Variants in TLN2 observed in about 807,000 individuals in gnomAD.
The protein encoded by TLN2 is talin-2.
In TLN2, 118 loss-of-function variants were observed where a neutral mutation model predicts 294.7. The observed-to-expected ratio is 0.40, with a 90% CI of 0.34 to 0.47. TLN2 has a LOEUF of 0.47. Among genes scored for constraint, TLN2 ranks in the 20% least tolerant of loss-of-function variants. The pLI, the probability that TLN2 is intolerant of heterozygous loss-of-function variation, is 0.84. For missense variants in TLN2, 3,083 were observed against 3,282.2 expected, an observed-to-expected ratio of 0.94 and a Z score of 1.48; for synonymous variants, 1,431 against 1,304.5, an observed-to-expected ratio of 1.10 and a Z score of -2.09.
intron 30 of TLN2, among the ~76,000 whole-genome samples, chr15:62,738,867 A>G (rs570982715): frequency 6.6e-6 from 1 of 152,366 alleles, no homozygotes; most frequent in South Asian, 2.1e-4. Flanking sequence ...TCAGTCTGCT[A>G]GATGACATTT....
intron 12 of TLN2, among the ~76,000 whole-genome samples, chr15:62,691,042 GA>G (rs2057853084): frequency 4.5e-5 from 6 of 133,642 alleles, no homozygotes; most frequent in Admixed American, 4.5e-4. Flanking sequence ...GAGGGAGAGG[GA>G]GAGGGGGAGG....
chr15:62,679,942 C>G lies in TLN2; in HGVS notation c.957+4621C>G, dbSNP rs113805924. Among the ~76,000 whole-genome samples the G allele has an allele frequency of 3.5e-3, 539 of 152,298 alleles. 2 individuals carry two copies. The highest frequency in any genetic ancestry group is 0.012 in the African/African-American group (518 of 41,552). ...CCATTTGTTGAAAGTGCTATTCTTCCTCCATCGAGTTACTTTTGCATCATT... is the reference window on the plus strand; with the variant it reads ...CCATTTGTTGAAAGTGCTATTCTTCGTCCATCGAGTTACTTTTGCATCATT... On this transcript the variant is annotated intron_variant, in intron 11 of 58. Coordinates refer to ENST00000636159, the MANE Select transcript of TLN2 (RefSeq NM_015059.3).
At chr15:62,830,925 T>C (rs1567700012) in intron 54 of TLN2, 1 of 152,038 alleles carries the variant, frequency 6.6e-6, no homozygotes, top group Non-Finnish European at 1.5e-5. Context: ...ATAGAGATGT[T>C]GTGGGAAGAA....
chr15:62,697,260 A>G (rs2058407641), intron 14 of TLN2, among the ~76,000 whole-genome samples: 2 of 151,890 alleles, frequency 1.3e-5, no homozygotes, highest in African/African-American at 4.8e-5. Context: ...GGCATGTACC[A>G]CCACTCGGGA....
intron 1 of TLN2, among the ~76,000 whole-genome samples, chr15:62,576,660 T>TC (rs1274045367): frequency 9.5e-5 from 10 of 105,350 alleles, no homozygotes; most frequent in Admixed American, 1.1e-4. Flanking sequence ...ATGGAATGAT[T>TC]CCCCCCCCCG....
In TLN2 at chr15:62,842,629, CA is replaced by C. The variant is rs1437239163; in HGVS notation, c.*2020del. Reference sequence around the variant, plus strand: ...CCATCCTGAAAACCCAGGACCAAGGCAGGGGCAGGCAGCCAGTTCTTCCACC... The same window carrying C: ...CCATCCTGAAAACCCAGGACCAAGGCGGGGCAGGCAGCCAGTTCTTCCACC... On this transcript the variant is annotated 3_prime_UTR_variant, in exon 59 of 59. Coordinates refer to ENST00000636159, the MANE Select transcript of TLN2 (RefSeq NM_015059.3). 6.6e-6 allele frequency: 1 copy of C among 151,832 alleles called. No homozygotes were observed. Among genetic ancestry groups the C allele is most frequent in the African/African-American group, 2.4e-5 (1 of 41,262 alleles). The allele number at this position is 151,832 out of a possible 1,614,324, so 9.4% of individuals were successfully genotyped here. A position where few individuals can be genotyped will look rare whatever the true frequency, so the allele number is the denominator to read the frequency against.
intron 1 of TLN2, among the ~76,000 whole-genome samples, chr15:62,587,397 A>G (rs2045696821): frequency 6.6e-6 from 1 of 152,260 alleles, no homozygotes; most frequent in African/African-American, 2.4e-5. Flanking sequence ...AATCATAACT[A>G]TTTTGATAAA....
At chr15:62,445,354 A>G (rs1412567811) in intron 1 of TLN2, among the ~76,000 whole-genome samples, 1 of 152,192 alleles carries the variant, frequency 6.6e-6, no homozygotes, top group Non-Finnish European at 1.5e-5. Flanking sequence ...TGTATATGCT[A>G]TATACGTTAG....
intron 2 of TLN2, among the ~76,000 whole-genome samples, chr15:62,612,088 CCT>C (rs2140826282): frequency 6.6e-6 from 1 of 151,836 alleles, no homozygotes; most frequent in South Asian, 2.1e-4. Context: ...TAAACCGCCC[CCT>C]GACCCAGCAT....
intron 42 of TLN2, among the ~76,000 whole-genome samples, chr15:62,776,289 G>A (rs554211191): frequency 2.0e-4 from 31 of 152,210 alleles, no homozygotes; most frequent in African/African-American, 7.5e-4. Context: ...AGCCTATTAG[G>A]CACTCTACAA....
intron 43 of TLN2, among the ~76,000 whole-genome samples, chr15:62,779,886 G>A (rs2064004851): frequency 6.6e-6 from 1 of 152,352 alleles, no homozygotes; most frequent in South Asian, 2.1e-4. Context: ...ATAGGCCACA[G>A]TGATGCCTTC....
chr15:62,807,648 T>C (rs1488540948), intron 51 of TLN2, among the ~76,000 whole-genome samples: 2 of 152,160 alleles, frequency 1.3e-5, no homozygotes, highest in African/African-American at 4.8e-5. Context: ...TAACGTGTGC[T>C]CCCCTGTTTT....
chr15:62,826,676 A>T (rs1256121916), intron 54 of TLN2, among the ~76,000 whole-genome samples: 1 of 151,914 alleles, frequency 6.6e-6, no homozygotes, highest in Non-Finnish European at 1.5e-5. Flanking sequence ...CTCTCAGTTC[A>T]ATACCAGAAG....
At chr15:62,398,717 T>G (rs906945800) in intron 1 of TLN2, among the ~76,000 whole-genome samples, 1 of 152,190 alleles carries the variant, frequency 6.6e-6, no homozygotes, top group Admixed American at 6.5e-5. Context: ...GCCCTAGAGA[T>G]CTGTGGAACT....
chr15:62,679,895 C>G (rs1023188609), intron 11 of TLN2, among the ~76,000 whole-genome samples: 5 of 152,164 alleles, frequency 3.3e-5, no homozygotes, highest in African/African-American at 7.2e-5. Flanking sequence ...GTAACCCCCA[C>G]CATAATCAAG....
intron 1 of TLN2, among the ~76,000 whole-genome samples, chr15:62,480,124 G>A (rs568765374): frequency 1.3e-5 from 2 of 152,322 alleles, no homozygotes; most frequent in African/African-American, 2.4e-5. Context: ...TTGAGTAAAA[G>A]GGGAGAGCAG....
chr15:62,514,783 G>T (rs187207179), intron 1 of TLN2, among the ~76,000 whole-genome samples: 28 of 152,288 alleles, frequency 1.8e-4, no homozygotes, highest in African/African-American at 6.0e-4. Context: ...TAAATAATTG[G>T]CATTGCTAAT....
intron 3 of TLN2, chr15:62,640,174 C>T: frequency 2.2e-6 from 1 of 455,942 alleles, no homozygotes; most frequent in South Asian, 1.5e-5. Context: ...AGAGGAGCTA[C>T]TTCTCTTCCT....
chr15:62,398,967 C>T (rs113415151), intron 1 of TLN2, among the ~76,000 whole-genome samples: 2,225 of 152,218 alleles, frequency 0.015, 20 homozygotes, highest in Middle Eastern at 0.065. Flanking sequence ...AAAATGGTTT[C>T]GTGGGCTGGG....
Sources: gnomAD v4.1 joint callset for allele counts (sites outside exome capture counted in the v4.1 genomes callset) on GRCh38, gnomAD v4.1.1 for gene constraint, MANE v1.5 for transcripts, NCBI Gene and HGNC (gene_info 2026-07-23, HGNC 2026-07-21) for gene names.